S100A13: variants seen among roughly 807,000 people sequenced by gnomAD.
S100A13 encodes S100 calcium binding protein A13, also known as protein S100-A13.
S100A13 carries 6 observed loss-of-function variants against 8.2 expected under a neutral mutation model. The observed-to-expected ratio is 0.73, with a 90% confidence interval of 0.40 to 1.44. S100A13 has a LOEUF of 1.44. Among genes scored for constraint, S100A13 ranks in the 40% most tolerant of loss-of-function variants. The probability of loss-of-function intolerance (pLI) is 0.02; values close to 1 mark genes in which losing one functional copy is unlikely to be tolerated. For missense variants in S100A13, 114 were observed against 113.6 expected, an observed-to-expected ratio of 1.00 and a Z score of -0.02; for synonymous variants, 39 against 45.9, an observed-to-expected ratio of 0.85 and a Z score of 0.61.
rs1667062322 is a variant in S100A13, at chr1:153,618,964, G to A, written c.228C>T (p.Tyr76=). 12 of 1,613,752 alleles carry A rather than the reference G, an allele frequency of 7.4e-6. No homozygotes were observed. The highest frequency in any genetic ancestry group is 1.0e-5 in the Non-Finnish European group (12 of 1,179,750). The change falls in exon 3 of 3, where the codon TAC becomes TAT. Residue 76 remains tyrosine, a synonymous_variant. Coordinates refer to ENST00000476133, the MANE Select transcript of S100A13 (RefSeq NM_001024211.2). ...NQDSELKFNE[Y]WRLIGELAKE... ...TGGCCAGCTCCCCAATCAATCTCCA[G>A]TACTCATTGAACTTGAGCTCCGAGT...
At position 153,618,955 on chromosome 1, in the gene S100A13, C is replaced by G. The variant is rs1571277117; in HGVS notation, c.237G>C (p.Leu79Phe). The G allele has an allele frequency of 1.2e-6, 2 of 1,614,048 alleles. No homozygotes were observed. Among genetic ancestry groups the G allele is most frequent in the East Asian group, 4.5e-5 (2 of 44,872 alleles). The change falls in exon 3 of 3, where the codon TTG becomes TTC. Residue 79 changes from leucine (L) to phenylalanine (F), a missense_variant. Coordinates refer to ENST00000476133, the MANE Select transcript of S100A13 (RefSeq NM_001024211.2). ...SELKFNEYWR[L>F]IGELAKEIRK... ...TGATTTCCTTGGCCAGCTCCCCAAT[C>G]AATCTCCAGTACTCATTGAACTTGA... is the stretch of plus-strand genomic sequence containing the variant.
upstream of S100A13, chr1:153,631,908 C>T: frequency 6.4e-7 from 1 of 1,565,094 alleles, no homozygotes; most frequent in Non-Finnish European, 8.7e-7. Flanking sequence ...CCCCCTGCTT[C>T]CACCTCACCC....
chr1:153,620,502 C>T (rs1021411398), intron 2 of S100A13, among the ~76,000 whole-genome samples: 1 of 149,806 alleles, frequency 6.7e-6, no homozygotes, highest in African/African-American at 2.5e-5. Context: ...AAACAAAGGC[C>T]AAATACCAAA....
upstream of S100A13, chr1:153,628,088 A>T: frequency 6.5e-7 from 1 of 1,550,272 alleles, no homozygotes; most frequent in Non-Finnish European, 8.7e-7. Context: ...GGAGCCACAG[A>T]CTAAGACCCC....
At chr1:153,631,553 C>T (rs1046379), upstream of S100A13, 1,204,989 of 1,613,624 alleles carry the variant, frequency 0.75, 453,949 homozygotes, top group African/African-American at 0.96. Context: ...CCCTCAAGAC[C>T]TTTGAGGAGG....
At chr1:153,630,945 A>G (rs189500201), upstream of S100A13, 9 of 460,264 alleles carry the variant, frequency 2.0e-5, no homozygotes, top group Non-Finnish European at 3.1e-5. Flanking sequence ...AAAGTAAACC[A>G]TGAACTCCAG....
Position 153,618,927 on chromosome 1 carries a change from T to C in S100A13, c.265A>G (p.Lys89Glu), listed in dbSNP as rs757000416. Residue 89 changes from lysine (K) to glutamate (E), a missense_variant, in exon 3 of 3, where the codon AAG becomes GAG. Coordinates refer to ENST00000476133, the MANE Select transcript of S100A13 (RefSeq NM_001024211.2). The stretch of plus-strand genomic sequence containing the variant: ...TTCCTGATCTTCAGGTCTTTCTTCT[T>C]CCTGATTTCCTTGGCCAGCTCCCCA... The part of the protein sequence containing the change: ...LIGELAKEIR[K>E]KKDLKIRKK 4 of 1,613,954 alleles carry C rather than the reference T, an allele frequency of 2.5e-6. No individual in the cohort carries two copies. In the Admixed American group the frequency reaches 6.7e-5, roughly 27 times the overall value.
intron 2 of S100A13, among the ~76,000 whole-genome samples, chr1:153,623,514 T>C (rs1007876992): frequency 3.9e-5 from 6 of 152,160 alleles, no homozygotes; most frequent in African/African-American, 1.4e-4. Context: ...GCCTCCCAAG[T>C]AGCTGGGATT....
At chr1:153,626,212 C>T (rs1053109836) in intron 2 of S100A13, 108 bp downstream of exon 2, 9 of 991,104 alleles carry the variant, frequency 9.1e-6, no homozygotes, top group Admixed American at 2.0e-5. Flanking sequence ...ATGCAGCCAC[C>T]CACACCCTTT....
At chr1:153,628,108 AT>A, upstream of S100A13, 1 of 1,550,222 alleles carries the variant, frequency 6.5e-7, no homozygotes, top group Non-Finnish European at 8.7e-7. Context: ...CCTCAGCAGA[AT>A]TCCCCCCTTA....
intron 1 of S100A13, 148 bp downstream of exon 1, chr1:153,627,335 C>CCGT (rs1667721613): frequency 6.6e-6 from 1 of 152,386 alleles, no homozygotes; most frequent in Admixed American, 6.5e-5. Context: ...TCTGTCCACC[C>CCGT]CGTCACACAC....
upstream of S100A13, chr1:153,630,756 T>C: frequency 6.7e-7 from 1 of 1,496,626 alleles, no homozygotes; most frequent in Non-Finnish European, 9.1e-7. Context: ...CACCTCCAGC[T>C]CAGCCTAGCC....
At chr1:153,630,660 G>A (rs914957348), upstream of S100A13, 38 of 1,614,048 alleles carry the variant, frequency 2.4e-5, no homozygotes, top group Admixed American at 1.2e-4. Context: ...TGGCTTCCTG[G>A]ATGTGAGCAT....
chr1:153,634,330 G>C (rs1470525035), upstream of S100A13: 3 of 152,904 alleles, frequency 2.0e-5, no homozygotes, highest in Admixed American at 6.5e-5. Flanking sequence ...GAGCACTGGC[G>C]TCTGTTTCCT....
At chr1:153,632,628 T>G (rs1158182007), upstream of S100A13, among the ~76,000 whole-genome samples, 9 of 152,100 alleles carry the variant, frequency 5.9e-5, no homozygotes, top group South Asian at 2.1e-4. Flanking sequence ...GTGTAAACAC[T>G]GTAGGAACTG....
Position 153,618,976 on chromosome 1 carries a change from C to A in S100A13, c.216G>T (p.Lys72Asn). 6.2e-7 allele frequency: 1 copy of A among 1,614,004 alleles called. No individual in the cohort carries two copies. Among genetic ancestry groups the A allele is most frequent in the Non-Finnish European group, 8.5e-7 (1 of 1,179,930 alleles). The stretch of plus-strand genomic sequence containing the variant: ...CAATCAATCTCCAGTACTCATTGAA[C>A]TTGAGCTCCGAGTCCTGATTCACAT... ...SLDVNQDSELKFNEYWRLIGE... is the reference protein window; with the variant it reads ...SLDVNQDSELNFNEYWRLIGE... The change falls in exon 3 of 3, where the codon AAG becomes AAT. Residue 72 changes from lysine to asparagine, a missense_variant. Lys to Asn is a moderately conservative substitution (Grantham distance 94). Coordinates refer to ENST00000476133, the MANE Select transcript of S100A13 (RefSeq NM_001024211.2).
At chr1:153,631,277 G>T (rs1264945036), upstream of S100A13, 3 of 622,760 alleles carry the variant, frequency 4.8e-6, no homozygotes, top group African/African-American at 1.8e-5. Flanking sequence ...AGGTTTTATT[G>T]GACTGGGTTC....
intron 2 of S100A13, 66 bp from the exon 3 acceptor site, chr1:153,619,104 G>C: frequency 7.0e-7 from 1 of 1,428,284 alleles, no homozygotes; most frequent in Non-Finnish European, 9.8e-7. Context: ...AGGGAGGGAA[G>C]AACTGTCAGC....
upstream of S100A13, chr1:153,628,187 C>T: frequency 1.9e-6 from 3 of 1,550,352 alleles, no homozygotes; most frequent in Non-Finnish European, 2.6e-6. Context: ...CATCCAGTGT[C>T]CCTCCCAGGA....
Sources: allele counts gnomAD v4.1 joint callset (sites outside exome capture counted in the v4.1 genomes callset), GRCh38; gene constraint gnomAD v4.1.1; transcripts MANE v1.5; gene names NCBI Gene and HGNC (gene_info 2026-07-23, HGNC 2026-07-21).